EPHA6: variants seen among roughly 807,000 people sequenced by gnomAD.
EPHA6 encodes ephrin type-A receptor 6.
In EPHA6, 50 loss-of-function variants were observed where a neutral mutation model predicts 112.0. The observed-to-expected ratio is 0.45, with a 90% CI of 0.36 to 0.56. EPHA6 has a LOEUF of 0.56. Ranked by LOEUF, EPHA6 falls within the 20% of genes least tolerant of loss-of-function variation. The pLI is 0.00. For synonymous variants in EPHA6, 529 were observed against 490.7 expected, an observed-to-expected ratio of 1.08 and a Z score of -1.03; for missense variants, 1,280 against 1,417.4, an observed-to-expected ratio of 0.90 and a Z score of 1.56.
chr3:96,836,526 T>G (rs1680087087), intron 1 of EPHA6, among the ~76,000 whole-genome samples: 1 of 152,178 alleles, frequency 6.6e-6, no homozygotes, highest in Non-Finnish European at 1.5e-5. Flanking sequence ...TTCTTTCACA[T>G]ACTGTTTTAC....
At chr3:97,668,911 CAAAAAAAAAAAAAAAAAA>C (rs397990599) in intron 14 of EPHA6, among the ~76,000 whole-genome samples, 3 of 31,914 alleles carry the variant, frequency 9.4e-5, no homozygotes, top group Non-Finnish European at 1.6e-4. Flanking sequence ...GACTCTGTCT[CAAAAAAAAAAAAAAAAAA>C]AAAAAAAAAA....
At chr3:97,418,192 T>C (rs1039257079) in intron 6 of EPHA6, among the ~76,000 whole-genome samples, 1 of 151,332 alleles carries the variant, frequency 6.6e-6, no homozygotes, top group Admixed American at 6.6e-5. Context: ...TCATACACTA[T>C]ATATATTAAT....
intron 14 of EPHA6, among the ~76,000 whole-genome samples, chr3:97,664,221 G>A (rs1388255115): frequency 6.6e-6 from 1 of 152,170 alleles, no homozygotes; most frequent in Non-Finnish European, 1.5e-5. Flanking sequence ...GTTCTTTGTA[G>A]ATTCTGGCTA....
At chr3:96,922,019 G>T (rs2039789138) in intron 2 of EPHA6, among the ~76,000 whole-genome samples, 1 of 151,722 alleles carries the variant, frequency 6.6e-6, no homozygotes, top group Non-Finnish European at 1.5e-5. Context: ...AAATAAATGA[G>T]TCTACCTTAA....
Position 97,105,750 on chromosome 3 carries a change from A to G in EPHA6, c.1114+117757A>G, listed in dbSNP as rs532076211. On this transcript the variant is annotated intron_variant, in intron 3 of 17. Coordinates refer to ENST00000389672, the MANE Select transcript of EPHA6 (RefSeq NM_001080448.3). ...TGATCTTTCTAAATACTGCCAGTGG[A>G]ATGTTGAAATCTCTCACTATTACTG... Among the ~76,000 whole-genome samples, 4 of 152,168 alleles carry G rather than the reference A, an allele frequency of 2.6e-5. No individual in the cohort carries two copies. The South Asian group carries it at 6.2e-4, about 24-fold the overall frequency.
chr3:96,980,465 T>C (rs1199606405), intron 2 of EPHA6, among the ~76,000 whole-genome samples: 2 of 152,090 alleles, frequency 1.3e-5, no homozygotes, highest in Non-Finnish European at 2.9e-5. Flanking sequence ...CCTTGTAGTA[T>C]AGTTTGAAGT....
intron 2 of EPHA6, among the ~76,000 whole-genome samples, chr3:96,947,641 A>T (rs1277294285): frequency 6.6e-6 from 1 of 152,206 alleles, no homozygotes; most frequent in African/African-American, 2.4e-5. Flanking sequence ...GTGAACTCCC[A>T]TTCACAATTG....
At chr3:97,542,236 T>A (rs1460580744) in intron 11 of EPHA6, among the ~76,000 whole-genome samples, 1 of 152,046 alleles carries the variant, frequency 6.6e-6, no homozygotes, top group Non-Finnish European at 1.5e-5. Flanking sequence ...ATGCTATCCC[T>A]CCCCTCTCCC....
intron 3 of EPHA6, among the ~76,000 whole-genome samples, chr3:97,213,512 A>G (rs1038454234): frequency 3.3e-5 from 5 of 152,154 alleles, no homozygotes; most frequent in African/African-American, 9.7e-5. Flanking sequence ...ATGAGTTCTG[A>G]TTCCCACTCC....
intron 3 of EPHA6, among the ~76,000 whole-genome samples, chr3:97,207,334 G>A (rs2077740710): frequency 6.6e-6 from 1 of 152,130 alleles, no homozygotes; most frequent in Non-Finnish European, 1.5e-5. Flanking sequence ...CTTAGAGTAT[G>A]AAAATTTTAA....
intron 3 of EPHA6, among the ~76,000 whole-genome samples, chr3:97,127,299 A>G (rs966372131): frequency 1.3e-4 from 20 of 152,238 alleles, no homozygotes; most frequent in Non-Finnish European, 2.6e-4. Flanking sequence ...ACTGATAAGG[A>G]TGTTCCTTTC....
At chr3:96,944,914 TA>T (rs1412230357) in intron 2 of EPHA6, among the ~76,000 whole-genome samples, 1 of 152,160 alleles carries the variant, frequency 6.6e-6, no homozygotes, top group East Asian at 1.9e-4. Context: ...CACTCCAGCC[TA>T]GGCGACAGAG....
chr3:97,016,353 G>A (rs1319788729), intron 3 of EPHA6, among the ~76,000 whole-genome samples: 4 of 151,942 alleles, frequency 2.6e-5, no homozygotes, highest in Non-Finnish European at 5.9e-5. Context: ...CAAAAGTTTT[G>A]ACAGAATCTC....
At chr3:97,300,685 G>A (rs942170224) in intron 5 of EPHA6, among the ~76,000 whole-genome samples, 2 of 152,018 alleles carry the variant, frequency 1.3e-5, no homozygotes, top group African/African-American at 4.8e-5. Context: ...AGATGCACTC[G>A]GGCATATTTG....
In EPHA6 at chr3:96,931,018, A is replaced by AAGAG. The variant is rs1553733279; in HGVS notation, c.451-56311_451-56310insGAGA. On this transcript the variant is annotated intron_variant, in intron 2 of 17. Transcript: ENST00000389672. ...AAAAAAAAAAAAAAAAAAAAAAAAA[A>AAGAG]AAAGAAAAGCTTTCTGGCTGCTTTT... is the stretch of plus-strand genomic sequence containing the variant. Among the ~76,000 whole-genome samples, 3 of 84,562 alleles carry AAGAG rather than the reference A, an allele frequency of 3.5e-5. 1 individual carries two copies. The highest frequency in any genetic ancestry group is 7.1e-5 in the Non-Finnish European group (3 of 42,486). 55.5% of individuals were successfully genotyped at this position (84,562 alleles called of 152,430 possible). A position where few individuals can be genotyped will look rare whatever the true frequency, so the allele number is the denominator to read the frequency against.
At chr3:96,897,973 T>C (rs2038374472) in intron 2 of EPHA6, among the ~76,000 whole-genome samples, 1 of 152,190 alleles carries the variant, frequency 6.6e-6, no homozygotes, top group South Asian at 2.1e-4. Context: ...AGGCAAAATA[T>C]TTTATCCCTC....
At chr3:97,654,806 G>A (rs2094128009) in intron 14 of EPHA6, among the ~76,000 whole-genome samples, 1 of 151,828 alleles carries the variant, frequency 6.6e-6, no homozygotes, top group African/African-American at 2.4e-5. Flanking sequence ...GGAACTCAAA[G>A]GGCATGGAAA....
Position 97,592,754 on chromosome 3 carries a change from A to C in EPHA6, c.2512+17A>C, listed in dbSNP as rs1236421126. ...TTCCTGCTGGTAGGTATTTCAGGTG[A>C]AGTTTTCTGCCACCATATACAGCAG... On this transcript the variant is annotated intron_variant, in intron 12 of 17. Coordinates refer to ENST00000389672, the MANE Select transcript of EPHA6 (RefSeq NM_001080448.3). The C allele has an allele frequency of 1.3e-6, 2 of 1,569,636 alleles. No homozygotes were observed. Among genetic ancestry groups the C allele is most frequent in the Admixed American group, 4.0e-5 (2 of 49,386 alleles).
chr3:97,437,204 T>C (rs1266558886), intron 6 of EPHA6, among the ~76,000 whole-genome samples: 1 of 152,148 alleles, frequency 6.6e-6, no homozygotes, highest in African/African-American at 2.4e-5. Flanking sequence ...TGCATGATTT[T>C]AGAAAGTTAC....
Sources: allele counts gnomAD v4.1 joint callset (sites outside exome capture counted in the v4.1 genomes callset), GRCh38; gene constraint gnomAD v4.1.1; transcripts MANE v1.5; gene names NCBI Gene and HGNC (gene_info 2026-07-23, HGNC 2026-07-21).